Variants in DOCK10 observed in about 807,000 individuals in gnomAD.
DOCK10 encodes dedicator of cytokinesis protein 10.
DOCK10 carries 145 observed loss-of-function variants against 280.1 expected under a neutral mutation model. The ratio of observed to expected loss-of-function variants is 0.52; its 90% CI spans 0.45 to 0.59. DOCK10 has a LOEUF of 0.59. Ranked by LOEUF, DOCK10 falls within the 20% of genes least tolerant of loss-of-function variation. The probability of loss-of-function intolerance (pLI) is 0.00; values close to 1 mark genes in which losing one functional copy is unlikely to be tolerated. For synonymous variants in DOCK10, 915 were observed against 942.2 expected (o/e 0.97, Z 0.53); for missense variants, 2,368 against 2,651.7 (o/e 0.89, Z 2.35).
intron 1 of DOCK10, among the ~76,000 whole-genome samples, chr2:224,944,121 G>A (rs972367379): frequency 1.3e-5 from 2 of 152,156 alleles, no homozygotes; most frequent in Non-Finnish European, 1.5e-5. Context: ...GAGGCTGTGA[G>A]TGGGTTTCAG....
At chr2:224,966,705 A>G (rs1704762894) in intron 1 of DOCK10, among the ~76,000 whole-genome samples, 1 of 152,234 alleles carries the variant, frequency 6.6e-6, no homozygotes, top group South Asian at 2.1e-4. Context: ...AAGATGCTGA[A>G]AAATACTAAG....
At chr2:224,848,111 G>A (rs1342806558) in intron 19 of DOCK10, among the ~76,000 whole-genome samples, 1 of 152,218 alleles carries the variant, frequency 6.6e-6, no homozygotes, top group Admixed American at 6.5e-5. Context: ...AGCTGGAAAA[G>A]GAGATGAACT....
chr2:224,771,622 G>A (rs1392003923), intron 53 of DOCK10, among the ~76,000 whole-genome samples: 4 of 152,196 alleles, frequency 2.6e-5, no homozygotes, highest in Non-Finnish European at 5.9e-5. Context: ...GTCAGGCTTG[G>A]GAAGGAAAAA....
At chr2:224,881,338 T>C (rs1363442877) in intron 7 of DOCK10, among the ~76,000 whole-genome samples, 1 of 152,228 alleles carries the variant, frequency 6.6e-6, no homozygotes, top group Non-Finnish European at 1.5e-5. Flanking sequence ...AGTTTGCTCT[T>C]TTCACAATGG....
rs1559987052 is a variant in DOCK10, at chr2:225,035,584, AT to A, written c.123+6667del. ...TATATATATATATATATATATATATATATAACACTGAATCAGTGTTAATTGT... is the reference window on the plus strand; with the variant it reads ...TATATATATATATATATATATATATAATAACACTGAATCAGTGTTAATTGT... On this transcript the variant is annotated intron_variant, in intron 1 of 55. Coordinates refer to ENST00000258390, the MANE Select transcript of DOCK10 (RefSeq NM_014689.3). Among the ~76,000 whole-genome samples the A allele has an allele frequency of 2.7e-3, 301 of 113,178 alleles. 5 individuals carry two copies. The highest frequency in any genetic ancestry group is 7.6e-3 in the African/African-American group (175 of 23,104). The allele number at this position is 113,178 out of a possible 152,430, so 74.2% of individuals were successfully genotyped here.
At chr2:224,998,396 T>C (rs1706332376) in intron 1 of DOCK10, among the ~76,000 whole-genome samples, 1 of 152,120 alleles carries the variant, frequency 6.6e-6, no homozygotes, top group Non-Finnish European at 1.5e-5. Flanking sequence ...ATTATTTGTA[T>C]TCTTCTTGCT....
At chr2:224,791,369 A>G (rs1692181802) in intron 47 of DOCK10, among the ~76,000 whole-genome samples, 1 of 151,722 alleles carries the variant, frequency 6.6e-6, no homozygotes, top group Non-Finnish European at 1.5e-5. Context: ...GACATGAGCC[A>G]TGGGTGCCAT....
In DOCK10 at chr2:224,912,199, G is replaced by A. The variant is rs190790252; in HGVS notation, c.333+4496C>T. Reference sequence around the variant, plus strand: ...CTTGTTGCCCAGGCTGGAATGACGCGATCTCAGATCACTGCAACCTCCGCC... The same window carrying A: ...CTTGTTGCCCAGGCTGGAATGACGCAATCTCAGATCACTGCAACCTCCGCC... On this transcript the variant is annotated intron_variant, in intron 3 of 55. Coordinates refer to ENST00000258390, the MANE Select transcript of DOCK10 (RefSeq NM_014689.3). Among the ~76,000 whole-genome samples, 11 of 150,762 alleles carry A rather than the reference G, an allele frequency of 7.3e-5. 1 individual carries two copies. The South Asian group carries it at 8.4e-4, about 11-fold the overall frequency.
chr2:224,807,601 CA>C, intron 33 of DOCK10, 66 bp downstream of exon 33: 1 of 1,118,984 alleles, frequency 8.9e-7, no homozygotes, highest in Non-Finnish European at 1.3e-6. Context: ...TTATCCAGGG[CA>C]AAAAATAATT....
intron 1 of DOCK10, among the ~76,000 whole-genome samples, chr2:225,034,662 C>A (rs902817476): frequency 1.3e-5 from 2 of 152,118 alleles, no homozygotes; most frequent in Non-Finnish European, 2.9e-5. Flanking sequence ...TTCCCAATAG[C>A]AAATATACTA....
At chr2:224,796,263 C>G in intron 44 of DOCK10, 53 bp downstream of exon 44, 1 of 1,089,300 alleles carries the variant, frequency 9.2e-7, no homozygotes, top group Admixed American at 2.0e-5. Context: ...CAAAAAGAAT[C>G]CACTTCAGAT....
At chr2:224,866,146 T>G (rs12990482) in intron 11 of DOCK10, among the ~76,000 whole-genome samples, 1 of 152,220 alleles carries the variant, frequency 6.6e-6, no homozygotes, top group African/African-American at 2.4e-5. Context: ...TTCTTTCTGG[T>G]CCAGAATCCC....
At chr2:224,959,435 TTC>T (rs1704235404) in intron 1 of DOCK10, among the ~76,000 whole-genome samples, 2 of 117,374 alleles carry the variant, frequency 1.7e-5, no homozygotes, top group South Asian at 2.7e-4. Context: ...CTTTATTATT[TTC>T]TTTTTTTTTT....
At chr2:224,773,701 G>A (rs1260486200) in intron 52 of DOCK10, among the ~76,000 whole-genome samples, 1 of 150,528 alleles carries the variant, frequency 6.6e-6, no homozygotes, top group African/African-American at 2.4e-5. Context: ...GCGCGATCTC[G>A]GCTCACTGCA....
intron 15 of DOCK10, 122 bp downstream of exon 15, chr2:224,856,738 T>G: frequency 2.2e-6 from 2 of 926,268 alleles, no homozygotes; most frequent in South Asian, 5.1e-5. Flanking sequence ...TGAAGTCACC[T>G]GAAAAATATC....
intron 1 of DOCK10, among the ~76,000 whole-genome samples, chr2:224,964,844 A>G (rs1452993842): frequency 1.3e-5 from 2 of 152,198 alleles, no homozygotes; most frequent in African/African-American, 2.4e-5. Context: ...GCCCGGCTAT[A>G]AGAACACATA....
chr2:224,830,920 T>TTTTATTTATTTATTTA (rs61701805), intron 26 of DOCK10, among the ~76,000 whole-genome samples: 24,476 of 148,456 alleles, frequency 0.16, 2,722 homozygotes, highest in African/African-American at 0.3. Flanking sequence ...CTAAACAAAC[T>TTTTATTTATTTATTTA]TTTATTTATT....
intron 3 of DOCK10, among the ~76,000 whole-genome samples, chr2:224,902,703 A>ATTT (rs34406882): frequency 4.8e-5 from 7 of 146,220 alleles, no homozygotes; most frequent in African/African-American, 1.7e-4. Flanking sequence ...CACTGAAAAC[A>ATTT]TTTTTTTTTT....
chr2:224,992,516 G>A (rs1706157845), intron 1 of DOCK10, among the ~76,000 whole-genome samples: 1 of 152,252 alleles, frequency 6.6e-6, no homozygotes, highest in South Asian at 2.1e-4. Flanking sequence ...GACAACCAAA[G>A]TTTAAGTCCA....
Sources: allele counts gnomAD v4.1 joint callset (sites outside exome capture counted in the v4.1 genomes callset), GRCh38; gene constraint gnomAD v4.1.1; transcripts MANE v1.5; gene names NCBI Gene and HGNC (gene_info 2026-07-23, HGNC 2026-07-21).